The following ADCK1 variants were observed in gnomAD, a reference collection of about 807,000 sequenced individuals.
The protein encoded by ADCK1 is aarF domain-containing protein kinase 1.
A neutral mutation model predicts 52.3 loss-of-function variants in ADCK1; 41 were observed. The observed-to-expected ratio is 0.78, with a 90% CI of 0.61 to 1.02. ADCK1 has a LOEUF of 1.02. Among genes scored for constraint, ADCK1 ranks in the 50% least tolerant of loss-of-function variants. The pLI is 0.00. For synonymous variants in ADCK1, 250 were observed against 274.6 expected (o/e 0.91, Z 0.89); for missense variants, 658 against 679.5 (o/e 0.97, Z 0.35).
chr14:77,809,950 A>G (rs559156350), intron 1 of ADCK1, among the ~76,000 whole-genome samples: 149 of 148,850 alleles, frequency 1.0e-3, no homozygotes, highest in Non-Finnish European at 1.9e-3. Context: ...AGGCAGGAGA[A>G]TCACTTGAGC....
intron 3 of ADCK1, among the ~76,000 whole-genome samples, chr14:77,848,758 A>G (rs1385760057): frequency 1.3e-5 from 2 of 151,332 alleles, no homozygotes; most frequent in Non-Finnish European, 2.9e-5. Context: ...ATGAGTCACC[A>G]TGCCCGGCCT....
rs2084418374 is a variant in ADCK1 at position 77,935,011 on chromosome 14, T to C, written c.*1620T>C. 1 of 152,222 alleles carries C rather than the reference T, an allele frequency of 6.6e-6. No individual in the cohort carries two copies. Among genetic ancestry groups the C allele is most frequent in the Non-Finnish European group, 1.5e-5 (1 of 68,046 alleles). The allele number at this position is 152,222 out of a possible 1,614,324, so 9.4% of individuals were successfully genotyped here. On this transcript the variant is annotated 3_prime_UTR_variant, in exon 11 of 11. Transcript: ENST00000238561. ...AAGTAAATATAAATGTCCTTTCTGT[T>C]CAAGGTCATGGTTACTTGCTTTTTA... is the stretch of plus-strand genomic sequence containing the variant.
rs1298304103 is a variant in ADCK1 at position 77,871,627 on chromosome 14, G to A, written c.423+12348G>A. On this transcript the variant is annotated intron_variant, in intron 4 of 10. Transcript: ENST00000238561. ...CCCATCTTGACCTCCCAAAGTGCCC[G>A]GCCCTAACTTCTTTAACTGACAGCT... Among the ~76,000 whole-genome samples, 3 of 152,184 alleles carry A rather than the reference G, an allele frequency of 2.0e-5. 1 individual carries two copies. In the East Asian group the frequency reaches 5.8e-4, roughly 29 times the overall value.
At chr14:77,867,682 A>G (rs933638189) in intron 4 of ADCK1, among the ~76,000 whole-genome samples, 1 of 152,144 alleles carries the variant, frequency 6.6e-6, no homozygotes, top group Non-Finnish European at 1.5e-5. Flanking sequence ...CTGATGCCCC[A>G]TCTGGCCCGA....
chr14:77,817,143 G>A (rs2081472708), intron 1 of ADCK1, among the ~76,000 whole-genome samples: 1 of 152,156 alleles, frequency 6.6e-6, no homozygotes, highest in Admixed American at 6.5e-5. Context: ...TCGGGAGGCT[G>A]AGGCAGGAGA....
intron 3 of ADCK1, among the ~76,000 whole-genome samples, chr14:77,822,739 G>A (rs1490543018): frequency 2.0e-5 from 3 of 152,200 alleles, no homozygotes. Flanking sequence ...AGGGGATTGA[G>A]GCTGGGGGCA....
At chr14:77,845,352 G>A (rs780227467) in intron 3 of ADCK1, among the ~76,000 whole-genome samples, 1 of 152,102 alleles carries the variant, frequency 6.6e-6, no homozygotes, top group Non-Finnish European at 1.5e-5. Flanking sequence ...ATGTATAAAG[G>A]GTTCAGAGTA....
At chr14:77,817,759 G>A (rs1364528517) in intron 1 of ADCK1, among the ~76,000 whole-genome samples, 1 of 149,672 alleles carries the variant, frequency 6.7e-6, no homozygotes, top group Non-Finnish European at 1.5e-5. Context: ...TTTTTGAGAC[G>A]GAGTCTCGCT....
chr14:77,915,137 A>G lies in ADCK1; in HGVS notation c.858+7218A>G, dbSNP rs1034209066. Among the ~76,000 whole-genome samples the G allele has an allele frequency of 2.6e-5, 4 of 151,898 alleles. No homozygotes were observed. In the East Asian group the frequency reaches 7.7e-4, roughly 29 times the overall value. ...CTTCTACCAAAATCACCAGAAGAAAACATCTTCTTCCATTGTCCATCCCTT... is the reference window on the plus strand; with the variant it reads ...CTTCTACCAAAATCACCAGAAGAAAGCATCTTCTTCCATTGTCCATCCCTT... On this transcript the variant is annotated intron_variant, in intron 7 of 10. Coordinates refer to ENST00000238561, the MANE Select transcript of ADCK1 (RefSeq NM_020421.4).
intron 3 of ADCK1, among the ~76,000 whole-genome samples, chr14:77,851,161 A>G (rs532307083): frequency 6.7e-6 from 1 of 148,690 alleles, no homozygotes; most frequent in African/African-American, 2.5e-5. Context: ...TCTGTTGCCC[A>G]GGTTGGAATG....
intron 4 of ADCK1, among the ~76,000 whole-genome samples, chr14:77,882,422 G>A (rs1423536905): frequency 1.3e-5 from 2 of 152,256 alleles, no homozygotes; most frequent in South Asian, 2.1e-4. Context: ...GTCTGCATCT[G>A]GAGCCAGACA....
chr14:77,851,820 T>C lies in ADCK1; in HGVS notation c.220-7256T>C, dbSNP rs2082290037. On this transcript the variant is annotated intron_variant, in intron 3 of 10. Transcript: ENST00000238561. ...TATAAACACCACATTACATTGTTAATAATTTGGTTAAGCAATCATTTGTCT... is the reference window on the plus strand; with the variant it reads ...TATAAACACCACATTACATTGTTAACAATTTGGTTAAGCAATCATTTGTCT... 2.6e-5 allele frequency among the ~76,000 whole-genome samples: 4 copies of C among 152,282 alleles called. No individual in the cohort carries two copies. The South Asian group carries it at 8.3e-4, about 32-fold the overall frequency.
At position 77,905,270 on chromosome 14, in the gene ADCK1, A is replaced by T. The variant is rs28528302; in HGVS notation, c.742-2533A>T. On this transcript the variant is annotated intron_variant, in intron 6 of 10. Transcript: ENST00000238561. The stretch of plus-strand genomic sequence containing the variant: ...GCACAGAGAAGCTCCAGCCTGTGGG[A>T]TTTCTGTTTCCACCTGTGACTCTTT... 8.0e-3 allele frequency among the ~76,000 whole-genome samples: 1,056 copies of T among 132,162 alleles called. 16 individuals are homozygous for T. Among genetic ancestry groups the T allele is most frequent in the African/African-American group, 0.029 (996 of 34,654 alleles). The allele number at this position is 132,162 out of a possible 152,430, so 86.7% of individuals were successfully genotyped here.
At chr14:77,824,982 C>G (rs986434836) in intron 3 of ADCK1, among the ~76,000 whole-genome samples, 1 of 152,174 alleles carries the variant, frequency 6.6e-6, no homozygotes, top group Non-Finnish European at 1.5e-5. Context: ...GTACATAAAT[C>G]AAAATATACG....
chr14:77,864,330 C>G (rs551602050), intron 4 of ADCK1, among the ~76,000 whole-genome samples: 2 of 152,148 alleles, frequency 1.3e-5, no homozygotes, highest in African/African-American at 2.4e-5. Context: ...GATAAAGAAG[C>G]CTTTCCTCCA....
chr14:77,859,804 G>GTA (rs1487990666), intron 4 of ADCK1, among the ~76,000 whole-genome samples: 4 of 152,202 alleles, frequency 2.6e-5, no homozygotes, highest in African/African-American at 7.2e-5. Context: ...AAGGTGCTTA[G>GTA]TATAGTACCT....
At chr14:77,907,955 A>G in intron 7 of ADCK1, 36 bp downstream of exon 7, 6 of 1,592,544 alleles carry the variant, frequency 3.8e-6, no homozygotes, top group Non-Finnish European at 4.3e-6. Context: ...GTGCCGGGGA[A>G]CGTGGGCTTG....
At chr14:77,843,339 G>A (rs113131721) in intron 3 of ADCK1, among the ~76,000 whole-genome samples, 1 of 152,166 alleles carries the variant, frequency 6.6e-6, no homozygotes, top group Non-Finnish European at 1.5e-5. Flanking sequence ...TTCTGCTCGC[G>A]GCCTAACACT....
chr14:77,906,267 C>T (rs1471986072), intron 6 of ADCK1, among the ~76,000 whole-genome samples: 1 of 152,176 alleles, frequency 6.6e-6, no homozygotes, highest in Non-Finnish European at 1.5e-5. Flanking sequence ...CTCTCCAAAA[C>T]ATTTGAAAAA....
Sources: allele counts gnomAD v4.1 joint callset (sites outside exome capture counted in the v4.1 genomes callset), GRCh38; gene constraint gnomAD v4.1.1; transcripts MANE v1.5; gene names NCBI Gene and HGNC (gene_info 2026-07-23, HGNC 2026-07-21).